AGBL1: variants seen among roughly 807,000 people sequenced by gnomAD.
The protein encoded by AGBL1 is cytosolic carboxypeptidase 4.
A neutral mutation model predicts 118.9 loss-of-function variants in AGBL1; 130 were observed. The ratio of observed to expected loss-of-function variants is 1.09; its 90% CI spans 0.95 to 1.26. AGBL1 has a LOEUF of 1.26. Among genes scored for constraint, AGBL1 ranks in the 50% most tolerant of loss-of-function variants. The pLI, the probability that AGBL1 is intolerant of heterozygous loss-of-function variation, is 0.00. For missense variants in AGBL1, 1,584 were observed against 1,298.1 expected, an observed-to-expected ratio of 1.22 and a Z score of -3.38; for synonymous variants, 555 against 478.9, an observed-to-expected ratio of 1.16 and a Z score of -2.08.
intron 21 of AGBL1, among the ~76,000 whole-genome samples, chr15:86,556,961 T>A (rs1484754947): frequency 6.6e-6 from 1 of 152,226 alleles, no homozygotes; most frequent in Non-Finnish European, 1.5e-5. Context: ...TATCATTCTT[T>A]ACAGTGACAT....
In AGBL1 at chr15:86,753,391, CT is replaced by C. The variant is rs1208594234; in HGVS notation, c.3158+78960del. Among the ~76,000 whole-genome samples, 430 of 117,312 alleles carry C rather than the reference CT, an allele frequency of 3.7e-3. 7 individuals are homozygous for C. Among genetic ancestry groups the C allele is most frequent in the Non-Finnish European group, 6.5e-3 (375 of 57,538 alleles). 77.0% of individuals were successfully genotyped at this position (117,312 alleles called of 152,430 possible). A position where few individuals can be genotyped will look rare whatever the true frequency, so the allele number is the denominator to read the frequency against. On this transcript the variant is annotated intron_variant, in intron 22 of 22. Transcript: ENST00000614907. The stretch of plus-strand genomic sequence containing the variant: ...AGGAATCAAGGCTTTCTTTCTTTTT[CT>C]TTTTCTTTTTTTTTTTTTTTTTTGA...
intron 6 of AGBL1, among the ~76,000 whole-genome samples, 198 bp from the exon 7 acceptor site, chr15:86,247,473 C>A (rs950136350): frequency 2.0e-5 from 3 of 152,222 alleles, no homozygotes; most frequent in Admixed American, 2.0e-4. Flanking sequence ...TATCGGGTGG[C>A]ACGTGATGAC....
chr15:86,220,853 GA>G (rs1319953849), intron 5 of AGBL1, among the ~76,000 whole-genome samples: 1 of 152,120 alleles, frequency 6.6e-6, no homozygotes, highest in Non-Finnish European at 1.5e-5. Context: ...AACAATGGGG[GA>G]TGATGTTATG....
chr15:86,973,123 CTTG>C (rs1438834541), intron 23 of AGBL1, among the ~76,000 whole-genome samples: 5 of 151,982 alleles, frequency 3.3e-5, no homozygotes, highest in East Asian at 3.9e-4. Flanking sequence ...ATGCTGTAAG[CTTG>C]TTGTGAAGAT....
At chr15:86,611,819 C>T (rs2084659931) in intron 21 of AGBL1, among the ~76,000 whole-genome samples, 1 of 152,106 alleles carries the variant, frequency 6.6e-6, no homozygotes, top group African/African-American at 2.4e-5. Flanking sequence ...GAAAAAACCT[C>T]AGAGGCGGAA....
At chr15:86,345,294 C>G (rs2080520012) in intron 17 of AGBL1, among the ~76,000 whole-genome samples, 1 of 151,972 alleles carries the variant, frequency 6.6e-6, no homozygotes, top group African/African-American at 2.4e-5. Flanking sequence ...TCAGGAGACT[C>G]TGCTGCTGCT....
chr15:86,904,339 AT>A (rs2080252730), intron 22 of AGBL1, among the ~76,000 whole-genome samples: 1 of 151,316 alleles, frequency 6.6e-6, no homozygotes, highest in South Asian at 2.1e-4. Flanking sequence ...GTGTCTTCTT[AT>A]TTTTTTAGTA....
rs1322522550 is a variant in AGBL1, at chr15:86,908,696, C to G, written c.*1402C>G. The G allele has an allele frequency of 2.0e-5, 3 of 151,978 alleles. No homozygotes were observed. The highest frequency in any genetic ancestry group is 2.0e-4 in the Admixed American group (3 of 15,260). The allele number at this position is 151,978 out of a possible 1,614,324, so 9.4% of individuals were successfully genotyped here. A position where few individuals can be genotyped will look rare whatever the true frequency, so the allele number is the denominator to read the frequency against. On this transcript the variant is annotated 3_prime_UTR_variant, in exon 23 of 23. Coordinates refer to ENST00000614907, the MANE Select transcript of AGBL1 (RefSeq NM_001386094.1). ...CCTTTTAGCATTCGGAAGGAAGAGG[C>G]TTAGTTATTTGAATAATGAAGTGTA...
chr15:86,397,390 C>T lies in AGBL1; in HGVS notation c.2399C>T (p.Thr800Ile). 1 of 1,609,488 alleles carries T rather than the reference C, an allele frequency of 6.2e-7. No homozygotes were observed. The highest frequency in any genetic ancestry group is 1.1e-5 in the South Asian group (1 of 90,436). ...QFRHRPYQVITARVHPGESNA... is the reference protein window; with the variant it reads ...QFRHRPYQVIIARVHPGESNA... ...GGACATCGTCCATATCAGGTGATCA[C>T]TGCTCGAGTTCATCCAGGAGAGAGC... Residue 800 changes from threonine to isoleucine, a missense_variant, in exon 18 of 23, where the codon ACT (threonine) becomes ATT (isoleucine). Transcript: ENST00000614907.
chr15:86,437,170 A>G (rs2082009914), intron 18 of AGBL1, among the ~76,000 whole-genome samples: 1 of 152,236 alleles, frequency 6.6e-6, no homozygotes, highest in South Asian at 2.1e-4. Flanking sequence ...GGTATGGACT[A>G]GAGAAGCTAA....
intron 21 of AGBL1, among the ~76,000 whole-genome samples, chr15:86,637,573 A>C (rs1186818082): frequency 2.0e-5 from 3 of 152,210 alleles, no homozygotes; most frequent in African/African-American, 7.2e-5. Flanking sequence ...CTACAAAAAT[A>C]TTATGTACAA....
intron 6 of AGBL1, among the ~76,000 whole-genome samples, chr15:86,239,671 A>G (rs1285961424): frequency 2.0e-5 from 3 of 152,200 alleles, no homozygotes; most frequent in Non-Finnish European, 2.9e-5. Context: ...CAAGTTTCCT[A>G]CGAAAAACCA....
At chr15:86,166,835 C>T (rs1405327479) in intron 5 of AGBL1, among the ~76,000 whole-genome samples, 1 of 152,152 alleles carries the variant, frequency 6.6e-6, no homozygotes, top group East Asian at 1.9e-4. Flanking sequence ...CAAAACAAGA[C>T]AAACCTCCCT....
At chr15:86,526,735 C>G (rs771437564) in intron 19 of AGBL1, among the ~76,000 whole-genome samples, 1 of 151,618 alleles carries the variant, frequency 6.6e-6, no homozygotes, top group Non-Finnish European at 1.5e-5. Context: ...GAACTGGAGG[C>G]CATTATCCTA....
chr15:86,951,068 AC>A (rs1378317547), intron 23 of AGBL1, among the ~76,000 whole-genome samples: 2 of 152,180 alleles, frequency 1.3e-5, no homozygotes, highest in Non-Finnish European at 2.9e-5. Context: ...GTGTCCGAGC[AC>A]CTAATTTTTA....
chr15:86,804,981 C>T (rs747073036), intron 22 of AGBL1, among the ~76,000 whole-genome samples: 7 of 152,036 alleles, frequency 4.6e-5, no homozygotes, highest in South Asian at 4.1e-4. Context: ...ACAGAGCCAT[C>T]GGGGAGTGAG....
chr15:86,302,778 C>CGAAAA (rs2079771571), intron 17 of AGBL1, among the ~76,000 whole-genome samples: 1 of 95,928 alleles, frequency 1.0e-5, no homozygotes, highest in African/African-American at 4.1e-5. Flanking sequence ...GACCCTGTCT[C>CGAAAA]AAAAAAAAAA....
At chr15:86,320,151 C>T (rs943502850) in intron 17 of AGBL1, among the ~76,000 whole-genome samples, 3 of 152,062 alleles carry the variant, frequency 2.0e-5, no homozygotes, top group African/African-American at 7.2e-5. Context: ...TATAAAATGT[C>T]TATTGAGATT....
At chr15:87,029,589 C>G (rs1370475469), downstream of AGBL1, among the ~76,000 whole-genome samples, 1 of 151,796 alleles carries the variant, frequency 6.6e-6, no homozygotes, top group Non-Finnish European at 1.5e-5. Flanking sequence ...TCCTACAAAC[C>G]CTATGAGATG....
Sources: allele counts gnomAD v4.1 joint callset (sites outside exome capture counted in the v4.1 genomes callset), GRCh38; gene constraint gnomAD v4.1.1; transcripts MANE v1.5; gene names NCBI Gene and HGNC (gene_info 2026-07-23, HGNC 2026-07-21).